Variants in IFT74 observed in about 807,000 individuals in gnomAD.
IFT74 encodes the protein intraflagellar transport protein 74 homolog.
A neutral mutation model predicts 96.7 loss-of-function variants in IFT74; 92 were observed. That is an observed-to-expected ratio of 0.95 (90% CI 0.80 to 1.13). The LOEUF (loss-of-function observed/expected upper bound fraction) is 1.13. Ranked by LOEUF, IFT74 falls within the 50% of genes most tolerant of loss-of-function variation. IFT74 has a pLI of 0.00. For missense variants in IFT74, 811 were observed against 698.2 expected (o/e 1.16, Z -1.82); for synonymous variants, 223 against 213.2 (o/e 1.05, Z -0.40).
intron 8 of IFT74, among the ~76,000 whole-genome samples, chr9:27,007,810 A>G (rs932762177): frequency 1.1e-4 from 17 of 152,228 alleles, no homozygotes; most frequent in Non-Finnish European, 2.4e-4. Context: ...TTGAAACTCA[A>G]AATAGAAATT....
At chr9:27,047,151 A>G (rs1819726951) in intron 14 of IFT74, 123 bp from the exon 15 acceptor site, 6 of 545,500 alleles carry the variant, frequency 1.1e-5, no homozygotes, top group Middle Eastern at 4.0e-4. Flanking sequence ...CAGCCTGGCA[A>G]CAGAGTGAGA....
chr9:26,995,942 G>A (rs1828133002), intron 8 of IFT74: 2 of 864,764 alleles, frequency 2.3e-6, no homozygotes, highest in Admixed American at 3.1e-5. Flanking sequence ...CTCAATATTG[G>A]TATTAAAAAT....
intron 13 of IFT74, among the ~76,000 whole-genome samples, chr9:27,031,542 C>T (rs955398223): frequency 2.5e-4 from 37 of 148,978 alleles, no homozygotes; most frequent in African/African-American, 7.8e-4. Context: ...TGAAGTCCTT[C>T]AGAGTAAATA....
At chr9:27,049,463 A>G (rs1394972846) in intron 16 of IFT74, among the ~76,000 whole-genome samples, 2 of 152,120 alleles carry the variant, frequency 1.3e-5, no homozygotes, top group African/African-American at 4.8e-5. Context: ...GAGCTGTTAG[A>G]AACTGTTTGT....
intron 12 of IFT74, among the ~76,000 whole-genome samples, chr9:27,019,991 T>C (rs917345954): frequency 3.3e-5 from 5 of 151,934 alleles, no homozygotes; most frequent in African/African-American, 7.2e-5. Flanking sequence ...TTTTTTTTTT[T>C]CTGATACAGA....
intron 2 of IFT74, among the ~76,000 whole-genome samples, chr9:26,962,862 A>G (rs1587239149): frequency 6.6e-6 from 1 of 151,942 alleles, no homozygotes; most frequent in Non-Finnish European, 1.5e-5. Flanking sequence ...ACTGGTAAAA[A>G]CATTTATAAT....
chr9:26,999,691 T>C lies in IFT74; in HGVS notation c.588-9329T>C, dbSNP rs550926886. 5 of 1,606,838 alleles carry C rather than the reference T, an allele frequency of 3.1e-6. No homozygotes were observed. The East Asian group carries it at 8.9e-5, about 29-fold the overall frequency. ...AAGAGGATTGTGATGCCTGTGACTT[T>C]CATGTTGCAGACCTGATAGAAAAGA... On this transcript the variant is annotated intron_variant, in intron 8 of 19. Transcript: ENST00000380062.
intron 8 of IFT74, among the ~76,000 whole-genome samples, chr9:26,992,287 G>A (rs754067241): frequency 3.9e-5 from 6 of 152,044 alleles, no homozygotes; most frequent in Non-Finnish European, 7.4e-5. Context: ...CTTCAAATAT[G>A]GTAATTTGTC....
rs140094210 is a variant in IFT74, at chr9:27,063,998, C to T, written c.*1262C>T. 7.8e-4 allele frequency among the ~76,000 whole-genome samples: 118 copies of T among 152,142 alleles called. No individual in the cohort carries two copies. Among genetic ancestry groups the T allele is most frequent in the African/African-American group, 2.7e-3 (113 of 41,552 alleles). On this transcript the variant is annotated 3_prime_UTR_variant, in exon 20 of 20. Transcript: ENST00000380062. Reference sequence around the variant, plus strand: ...TTCATGGTCAAAGAAGTTTGGGAAACGTTGTCTGAAACAAAGGTGAATTAT... The same window carrying T: ...TTCATGGTCAAAGAAGTTTGGGAAATGTTGTCTGAAACAAAGGTGAATTAT...
At position 27,065,300 on chromosome 9, in the gene IFT74, A is replaced by T. The variant is rs1361421971; in HGVS notation, c.*2564A>T. Among the ~76,000 whole-genome samples, 1 of 152,116 alleles carries T rather than the reference A, an allele frequency of 6.6e-6. No individual in the cohort carries two copies. The highest frequency in any genetic ancestry group is 6.5e-5 in the Admixed American group (1 of 15,268). On this transcript the variant is annotated 3_prime_UTR_variant, in exon 20 of 20. Coordinates refer to ENST00000380062, the MANE Select transcript of IFT74 (RefSeq NM_025103.4). ...CTCTGAGAGCCTTTCCACAAATCCA[A>T]CAAGAATATTCTCTTTACTGGGATA...
At chr9:26,952,243 C>T (rs921881098), upstream of IFT74, among the ~76,000 whole-genome samples, 4 of 150,372 alleles carry the variant, frequency 2.7e-5, no homozygotes, top group East Asian at 5.9e-4. Context: ...TGATTTTTAT[C>T]GTCCCCTCAT....
intron 13 of IFT74, among the ~76,000 whole-genome samples, chr9:27,032,745 A>C (rs965590470): frequency 6.6e-6 from 1 of 152,050 alleles, no homozygotes; most frequent in Non-Finnish European, 1.5e-5. Context: ...GTGTACCTGT[A>C]ATCCCAGCTA....
At chr9:27,045,469 C>A (rs1819660289) in intron 14 of IFT74, among the ~76,000 whole-genome samples, 1 of 152,096 alleles carries the variant, frequency 6.6e-6, no homozygotes, top group African/African-American at 2.4e-5. Flanking sequence ...ATTTAGCTTT[C>A]CATAATACTT....
At chr9:26,979,096 T>C (rs1174583877) in intron 3 of IFT74, among the ~76,000 whole-genome samples, 2 of 152,098 alleles carry the variant, frequency 1.3e-5, no homozygotes, top group Non-Finnish European at 1.5e-5. Flanking sequence ...AAATTAATTA[T>C]ATCATACATG....
chr9:26,959,537 GAAGGA>G (rs1490929460), intron 1 of IFT74, among the ~76,000 whole-genome samples: 1 of 152,194 alleles, frequency 6.6e-6, no homozygotes, highest in African/African-American at 2.4e-5. Context: ...GTAACAGACT[GAAGGA>G]AAGGAGAAAG....
intron 2 of IFT74, among the ~76,000 whole-genome samples, chr9:26,968,574 T>A (rs1331655156): frequency 1.3e-5 from 2 of 152,184 alleles, no homozygotes; most frequent in African/African-American, 4.8e-5. Context: ...CACTTTTTAT[T>A]ATGGCTTGGA....
At chr9:27,034,451 AC>A (rs1830261273) in intron 13 of IFT74, among the ~76,000 whole-genome samples, 1 of 152,178 alleles carries the variant, frequency 6.6e-6, no homozygotes, top group Non-Finnish European at 1.5e-5. Flanking sequence ...CTTGGTTAGG[AC>A]CATTGTTTCT....
At chr9:27,026,966 T>A (rs60110136) in intron 12 of IFT74, among the ~76,000 whole-genome samples, 152,306 of 152,306 alleles carry the variant, frequency 1, 76,153 homozygotes, top group Non-Finnish European at 1. Context: ...AAAAGGAAAT[T>A]ACAAACATCA....
At chr9:26,970,093 T>G (rs1414582700) in intron 2 of IFT74, among the ~76,000 whole-genome samples, 1 of 152,170 alleles carries the variant, frequency 6.6e-6, no homozygotes, top group African/African-American at 2.4e-5. Flanking sequence ...TGTAGGTGAC[T>G]AGATACTTTT....
Sources: gnomAD v4.1 joint callset for allele counts (sites outside exome capture counted in the v4.1 genomes callset) on GRCh38, gnomAD v4.1.1 for gene constraint, MANE v1.5 for transcripts, NCBI Gene and HGNC (gene_info 2026-07-23, HGNC 2026-07-21) for gene names.